KCND2: variants seen among roughly 807,000 people sequenced by gnomAD.
KCND2 encodes the protein A-type voltage-gated potassium channel KCND2.
In KCND2, 16 loss-of-function variants were observed where a neutral mutation model predicts 54.4. The ratio of observed to expected loss-of-function variants is 0.29; its 90% CI spans 0.20 to 0.45. KCND2 has a LOEUF of 0.45. Ranked by LOEUF, KCND2 falls within the 20% of genes least tolerant of loss-of-function variation. The pLI, the probability that KCND2 is intolerant of heterozygous loss-of-function variation, is 1.00. For missense variants in KCND2, 486 were observed against 824.2 expected (o/e 0.59, Z 5.02); for synonymous variants, 317 against 310.7 (o/e 1.02, Z -0.21).
At chr7:120,582,326 C>A (rs948332151) in intron 1 of KCND2, among the ~76,000 whole-genome samples, 2 of 152,068 alleles carry the variant, frequency 1.3e-5, no homozygotes, top group Admixed American at 1.3e-4. Flanking sequence ...CAAATCTAAA[C>A]GTTCCCAATT....
At chr7:120,466,672 A>G (rs926075144) in intron 1 of KCND2, among the ~76,000 whole-genome samples, 1 of 152,142 alleles carries the variant, frequency 6.6e-6, no homozygotes, top group Non-Finnish European at 1.5e-5. Flanking sequence ...ACCAACATTA[A>G]AGGTATATGC....
At chr7:120,657,464 C>T (rs1385500793) in intron 1 of KCND2, among the ~76,000 whole-genome samples, 1 of 152,098 alleles carries the variant, frequency 6.6e-6, no homozygotes. Context: ...CCTTAGGCCT[C>T]TGTTATAACA....
At position 120,275,675 on chromosome 7, in the gene KCND2, G is replaced by T; in HGVS notation, c.1043G>T (p.Gly348Val). 1 of 1,603,086 alleles carries T rather than the reference G, an allele frequency of 6.2e-7. No homozygotes were observed. Among genetic ancestry groups the T allele is most frequent in the Non-Finnish European group, 8.5e-7 (1 of 1,179,944 alleles). Residue 348 changes from glycine to valine, a missense_variant, in exon 1 of 6, where the codon GGG becomes GTG. This residue lies in a region of KCND2 where 23 missense variants were observed against 33.7 expected (regional missense o/e 0.68). Transcript: ENST00000331113. ...ACAGTTATGTTCTACGCAGAGAAGG[G>T]GTCTTCGGCTAGCAAGTTCACCAGC... The part of the protein sequence containing the change: ...FATVMFYAEK[G>V]SSASKFTSIP...
intron 1 of KCND2, among the ~76,000 whole-genome samples, chr7:120,637,003 A>C (rs927582932): frequency 1.3e-5 from 2 of 152,058 alleles, no homozygotes; most frequent in African/African-American, 2.4e-5. Flanking sequence ...TGGGAAGAAA[A>C]GGTAATTCAT....
At chr7:120,376,006 G>A (rs186840819) in intron 1 of KCND2, among the ~76,000 whole-genome samples, 74 of 151,834 alleles carry the variant, frequency 4.9e-4, no homozygotes, top group African/African-American at 1.1e-3. Context: ...CTAACCAAGC[G>A]TAGGCAGAGC....
intron 1 of KCND2, among the ~76,000 whole-genome samples, chr7:120,439,789 A>G (rs1801922942): frequency 6.6e-6 from 1 of 152,186 alleles, no homozygotes; most frequent in Non-Finnish European, 1.5e-5. Context: ...ACTTCTGCAT[A>G]ATATACTGTC....
chr7:120,390,884 T>A (rs1218342378), intron 1 of KCND2, among the ~76,000 whole-genome samples: 1 of 152,018 alleles, frequency 6.6e-6, no homozygotes, highest in Non-Finnish European at 1.5e-5. Flanking sequence ...AACAGAAAGT[T>A]TTTTTATTGC....
intron 1 of KCND2, among the ~76,000 whole-genome samples, chr7:120,689,037 C>T (rs1343189102): frequency 6.6e-6 from 1 of 152,188 alleles, no homozygotes; most frequent in Non-Finnish European, 1.5e-5. Context: ...CCCTCTGCAT[C>T]ACTGTTCTTC....
chr7:120,624,338 C>G (rs1029527134), intron 1 of KCND2, among the ~76,000 whole-genome samples: 16 of 152,262 alleles, frequency 1.1e-4, no homozygotes, highest in African/African-American at 3.8e-4. Context: ...TATGGTGCAG[C>G]TTTCCTGGAT....
chr7:120,664,755 C>T (rs1422087419), intron 1 of KCND2, among the ~76,000 whole-genome samples: 2 of 152,000 alleles, frequency 1.3e-5, no homozygotes, highest in Non-Finnish European at 2.9e-5. Flanking sequence ...TTCCATGTTG[C>T]ATCTACAGCT....
At chr7:120,484,229 A>C (rs538891204) in intron 1 of KCND2, among the ~76,000 whole-genome samples, 4 of 152,114 alleles carry the variant, frequency 2.6e-5, no homozygotes, top group African/African-American at 9.7e-5. Context: ...TTTCCTTTCC[A>C]GTAGTTATGA....
chr7:120,326,456 C>T (rs187243233), intron 1 of KCND2, among the ~76,000 whole-genome samples: 4 of 152,002 alleles, frequency 2.6e-5, no homozygotes, highest in East Asian at 1.9e-4. Flanking sequence ...GTGACTTTTT[C>T]GATTACAACA....
chr7:120,543,146 A>T (rs1054024558), intron 1 of KCND2, among the ~76,000 whole-genome samples: 9 of 150,138 alleles, frequency 6.0e-5, no homozygotes, highest in Admixed American at 1.3e-4. Flanking sequence ...ATAACCTCAA[A>T]ATATATATAT....
intron 1 of KCND2, among the ~76,000 whole-genome samples, chr7:120,704,871 C>T (rs987323270): frequency 1.7e-4 from 26 of 152,156 alleles, no homozygotes; most frequent in Non-Finnish European, 2.4e-4. Context: ...TAGAGCATAG[C>T]AGGTATTTGA....
intron 1 of KCND2, among the ~76,000 whole-genome samples, chr7:120,507,847 T>C (rs1184077599): frequency 6.6e-6 from 1 of 151,872 alleles, no homozygotes; most frequent in African/African-American, 2.4e-5. Context: ...TTCTACATAA[T>C]GTGACTGTAT....
intron 1 of KCND2, among the ~76,000 whole-genome samples, chr7:120,297,851 T>C (rs1799532424): frequency 6.6e-6 from 1 of 152,126 alleles, no homozygotes; most frequent in Non-Finnish European, 1.5e-5. Context: ...ATATTAACTT[T>C]GCATTTTTAA....
intron 1 of KCND2, among the ~76,000 whole-genome samples, chr7:120,643,445 C>G: frequency 6.6e-6 from 1 of 151,918 alleles, no homozygotes; most frequent in East Asian, 1.9e-4. Context: ...AGCTCTGTTG[C>G]CACAGGTATG....
At chr7:120,656,567 A>G (rs1281313604) in intron 1 of KCND2, among the ~76,000 whole-genome samples, 1 of 152,220 alleles carries the variant, frequency 6.6e-6, no homozygotes, top group Non-Finnish European at 1.5e-5. Flanking sequence ...TAATAAGGTC[A>G]TGAATAATGA....
At chr7:120,635,610 C>T (rs1793295182) in intron 1 of KCND2, among the ~76,000 whole-genome samples, 1 of 152,124 alleles carries the variant, frequency 6.6e-6, no homozygotes, top group Non-Finnish European at 1.5e-5. Context: ...ACATATGTAT[C>T]CTAAGGAATG....
Sources: gnomAD v4.1 joint callset for allele counts (sites outside exome capture counted in the v4.1 genomes callset) on GRCh38, gnomAD v4.1.1 for gene constraint, gnomAD v4.1.1 regional missense constraint, MANE v1.5 for transcripts, NCBI Gene and HGNC (gene_info 2026-07-23, HGNC 2026-07-21) for gene names.